Variants in NHSL2 observed in about 807,000 individuals in gnomAD.
NHSL2 encodes the protein NHS like 2, also known as NHS-like protein 2.
Under a neutral mutation model 53.4 loss-of-function variants are expected in NHSL2, and 27 were observed. That is an observed-to-expected ratio of 0.51 (90% CI 0.37 to 0.70). The LOEUF is 0.70. Ranked by LOEUF, NHSL2 falls within the 30% of genes least tolerant of loss-of-function variation. The pLI, the probability that NHSL2 is intolerant of heterozygous loss-of-function variation, is 0.00. For missense variants in NHSL2, 892 were observed against 980.1 expected, an observed-to-expected ratio of 0.91 and a Z score of 1.20; for synonymous variants, 408 against 404.1, an observed-to-expected ratio of 1.01 and a Z score of -0.12.
At chrX:72,005,717 A>C (rs2042091524) in intron 1 of NHSL2, among the ~76,000 whole-genome samples, 1 of 111,524 alleles carries the variant, frequency 9.0e-6, no homozygotes, top group South Asian at 3.8e-4. Flanking sequence ...TGCTTTATAG[A>C]GATGTAAGAT....
intron 1 of NHSL2, among the ~76,000 whole-genome samples, chrX:72,070,107 T>G (rs1454071968): frequency 9.0e-6 from 1 of 111,652 alleles, no homozygotes; most frequent in African/African-American, 3.3e-5. Flanking sequence ...GAACCATGCA[T>G]GGCTTATCCT....
intron 1 of NHSL2, among the ~76,000 whole-genome samples, chrX:71,971,024 C>T (rs1029247679): frequency 1.8e-5 from 2 of 111,800 alleles, no homozygotes; most frequent in African/African-American, 3.2e-5. Context: ...CTGAAGTGAT[C>T]TTCCTGCTTC....
chrX:71,925,502 C>G (rs981527617), intron 1 of NHSL2, among the ~76,000 whole-genome samples: 1 of 109,404 alleles, frequency 9.1e-6, no homozygotes, highest in South Asian at 4.0e-4. Context: ...TCTCAGCTCA[C>G]TGCAAGCTCC....
At chrX:71,921,129 A>G (rs1216203208) in intron 1 of NHSL2, among the ~76,000 whole-genome samples, 5 of 108,541 alleles carry the variant, frequency 4.6e-5, no homozygotes, top group Non-Finnish European at 9.6e-5. Context: ...TTATAAGAGA[A>G]CATAGGGGTT....
intron 1 of NHSL2, among the ~76,000 whole-genome samples, chrX:72,119,692 C>T (rs1335508418): frequency 2.7e-5 from 3 of 112,298 alleles, no homozygotes; most frequent in Non-Finnish European, 3.8e-5. Context: ...TATGTCATCT[C>T]TGCAAATATG....
At chrX:71,963,949 C>CTATATATATATATATA (rs1447693800) in intron 1 of NHSL2, among the ~76,000 whole-genome samples, 1 of 24,529 alleles carries the variant, frequency 4.1e-5, no homozygotes, top group Admixed American at 6.1e-4. Context: ...GGTGGAGTGG[C>CTATATATATATATATA]TATATATATA....
chrX:72,068,048 C>A (rs184255529), intron 1 of NHSL2, among the ~76,000 whole-genome samples: 2 of 111,734 alleles, frequency 1.8e-5, no homozygotes, highest in Non-Finnish European at 3.8e-5. Context: ...GGGAAGGTAT[C>A]TCTAGACCTT....
chrX:71,982,919 T>C (rs1486440330), intron 1 of NHSL2, among the ~76,000 whole-genome samples: 1 of 112,461 alleles, frequency 8.9e-6, no homozygotes, highest in Non-Finnish European at 1.9e-5. Flanking sequence ...TGAAGCTGGT[T>C]GTCCAGAAGT....
intron 1 of NHSL2, among the ~76,000 whole-genome samples, chrX:71,939,231 G>A (rs970698048): frequency 4.5e-5 from 5 of 111,753 alleles, no homozygotes; most frequent in African/African-American, 1.6e-4. Context: ...AGCCTAGAGA[G>A]GCAGGCAGGG....
intron 1 of NHSL2, among the ~76,000 whole-genome samples, chrX:71,982,049 A>G (rs6625929): frequency 0.066 from 7,417 of 112,308 alleles, 236 homozygotes; most frequent in East Asian, 0.27. Flanking sequence ...TAGGAGCATT[A>G]TTTGTAATAG....
In NHSL2 at chrX:72,132,046, C is replaced by A. The variant is rs775703266; in HGVS notation, c.281-33C>A. The A allele has an allele frequency of 4.3e-6, 5 of 1,161,275 alleles. 1 individual carries two copies. The South Asian group carries it at 9.6e-5, about 22-fold the overall frequency. On this transcript the variant is annotated intron_variant, in intron 1 of 7. Coordinates refer to ENST00000633930, the MANE Select transcript of NHSL2 (RefSeq NM_001013627.3). The stretch of plus-strand genomic sequence containing the variant: ...CCGCGCGCCGCTCCCCTCCAGCTCG[C>A]CTGCGCCTCTCACTGACTCTCTCCT...
intron 1 of NHSL2, among the ~76,000 whole-genome samples, chrX:71,928,504 G>T (rs1184912991): frequency 1.8e-5 from 2 of 112,245 alleles, no homozygotes; most frequent in Non-Finnish European, 3.8e-5. Context: ...CTTTGGACTG[G>T]ATCCTTGATG....
At chrX:71,942,566 A>C (rs900842980) in intron 1 of NHSL2, among the ~76,000 whole-genome samples, 4 of 112,571 alleles carry the variant, frequency 3.6e-5, no homozygotes, top group African/African-American at 9.7e-5. Flanking sequence ...ATTTATTTTC[A>C]TGTATTTTAG....
rs747192335 is a variant in NHSL2 at position 72,051,966 on chromosome X, A to G, written c.281-80113A>G. 3.6e-5 allele frequency among the ~76,000 whole-genome samples: 4 copies of G among 111,985 alleles called. No homozygotes were observed. The East Asian group carries it at 1.1e-3, about 31-fold the overall frequency. ...AGGCAGAGTCCCCCTCTCAGCTCCC[A>G]CTGTACTTTATATAGCATTTATTTC... On this transcript the variant is annotated intron_variant, in intron 1 of 7. Coordinates refer to ENST00000633930, the MANE Select transcript of NHSL2 (RefSeq NM_001013627.3).
intron 1 of NHSL2, among the ~76,000 whole-genome samples, chrX:72,019,706 A>G (rs1284344066): frequency 8.9e-6 from 1 of 112,174 alleles, no homozygotes; most frequent in African/African-American, 3.2e-5. Flanking sequence ...TGATACAGGC[A>G]GAGAACAGCC....
intron 1 of NHSL2, among the ~76,000 whole-genome samples, chrX:72,073,010 AG>A (rs754106593): frequency 1.4e-3 from 152 of 112,105 alleles, no homozygotes; most frequent in Non-Finnish European, 2.4e-3. Flanking sequence ...ACAAATCCTC[AG>A]GGGGATCCTT....
intron 1 of NHSL2, among the ~76,000 whole-genome samples, chrX:71,939,823 A>C (rs1302052076): frequency 8.9e-6 from 1 of 112,430 alleles, no homozygotes; most frequent in Admixed American, 9.4e-5. Flanking sequence ...GTTAGCTATT[A>C]TAGGCAACAA....
chrX:72,119,008 G>A (rs962212601), intron 1 of NHSL2, among the ~76,000 whole-genome samples: 6 of 111,063 alleles, frequency 5.4e-5, no homozygotes, highest in African/African-American at 1.3e-4. Context: ...TTGTCCCAGC[G>A]CCACTTACTG....
At position 72,143,716 on chromosome X, in the gene NHSL2, G is replaced by A. The variant is rs2042438489; in HGVS notation, c.*142G>A. The A allele has an allele frequency of 2.4e-6, 1 of 421,670 alleles. No homozygotes were observed. The highest frequency in any genetic ancestry group is 4.7e-5 in the Admixed American group (1 of 21,432). 34.8% of individuals were successfully genotyped at this position (421,670 alleles called of 1,213,427 possible). A position where few individuals can be genotyped will look rare whatever the true frequency, so the allele number is the denominator to read the frequency against. Reference sequence around the variant, plus strand: ...TCACACTCTGGACAGCAGGAGAGAGGCTACTTCATCTAGAGCTAAAATCAT... The same window carrying A: ...TCACACTCTGGACAGCAGGAGAGAGACTACTTCATCTAGAGCTAAAATCAT... On this transcript the variant is annotated 3_prime_UTR_variant, in exon 8 of 8. Coordinates refer to ENST00000633930, the MANE Select transcript of NHSL2 (RefSeq NM_001013627.3).
Sources: gnomAD v4.1 joint callset for allele counts (sites outside exome capture counted in the v4.1 genomes callset) on GRCh38, gnomAD v4.1.1 for gene constraint, MANE v1.5 for transcripts, NCBI Gene and HGNC (gene_info 2026-07-23, HGNC 2026-07-21) for gene names.